The following SLC25A21 variants were observed in gnomAD, a reference collection of about 807,000 sequenced individuals.
SLC25A21 encodes mitochondrial 2-oxodicarboxylate carrier.
A neutral mutation model predicts 43.8 loss-of-function variants in SLC25A21; 47 were observed. The observed-to-expected ratio is 1.07, with a 90% CI of 0.85 to 1.37. The LOEUF is 1.37. SLC25A21 is among the 40% of genes most tolerant of loss of function. SLC25A21 has a pLI of 0.00. For missense variants in SLC25A21, 352 were observed against 350.2 expected (o/e 1.00, Z -0.04); for synonymous variants, 131 against 121.3 (o/e 1.08, Z -0.52).
rs368020722 is a variant in SLC25A21 at position 36,729,575 on chromosome 14, C to T, written c.271-9G>A. 5.0e-6 allele frequency: 8 copies of T among 1,601,832 alleles called. No homozygotes were observed. The highest frequency in any genetic ancestry group is 6.8e-6 in the Non-Finnish European group (8 of 1,175,704). ...TGCTCAAAGGTGAAAAACTGTGAAA[C>T]AAAACCAAACTCACAGATTTATAAC... On this transcript the variant is annotated splice_polypyrimidine_tract_variant and intron_variant, in intron 4 of 9. Transcript: ENST00000331299.
chr14:36,886,636 G>T (rs1369524564), intron 1 of SLC25A21, among the ~76,000 whole-genome samples: 1 of 152,094 alleles, frequency 6.6e-6, no homozygotes, highest in Non-Finnish European at 1.5e-5. Flanking sequence ...TCTAAAGGAG[G>T]AAGAAAAGTT....
intron 3 of SLC25A21, among the ~76,000 whole-genome samples, chr14:36,760,627 A>G (rs1886117948): frequency 1.3e-5 from 2 of 152,230 alleles, no homozygotes; most frequent in African/African-American, 4.8e-5. Context: ...TTCTGTTCTG[A>G]AACAAATGGT....
At chr14:36,972,276 A>C (rs1959768812) in intron 1 of SLC25A21, among the ~76,000 whole-genome samples, 1 of 152,214 alleles carries the variant, frequency 6.6e-6, no homozygotes, top group African/African-American at 2.4e-5. Flanking sequence ...TGTGTGTATA[A>C]GGACAAAAGC....
At chr14:36,851,273 G>C (rs1004144374) in intron 2 of SLC25A21, among the ~76,000 whole-genome samples, 1 of 152,114 alleles carries the variant, frequency 6.6e-6, no homozygotes, top group African/African-American at 2.4e-5. Flanking sequence ...AAGCAATTAA[G>C]GGAGAGTTTG....
At chr14:36,963,197 T>C (rs1394697424) in intron 1 of SLC25A21, among the ~76,000 whole-genome samples, 1 of 152,108 alleles carries the variant, frequency 6.6e-6, no homozygotes, top group South Asian at 2.1e-4. Context: ...CCCCATAGTA[T>C]ATTAAAGAGG....
At chr14:36,828,751 TCC>T (rs2138475840) in intron 2 of SLC25A21, 1 of 152,586 alleles carries the variant, frequency 6.6e-6, no homozygotes, top group South Asian at 2.1e-4. Context: ...TCCTCGTTCT[TCC>T]TGCTCCCTCA....
chr14:36,678,239 C>G lies in SLC25A21; in HGVS notation c.*2419G>C. ...CTAGATTAGTTAGGTTTTCAAATCA[C>G]TAGGATGTAAACAGTAAGCAGATTT... On this transcript the variant is annotated 3_prime_UTR_variant, in exon 10 of 10. Transcript: ENST00000331299. 3.8e-6 allele frequency: 2 copies of G among 531,516 alleles called. No individual in the cohort carries two copies. The highest frequency in any genetic ancestry group is 6.7e-6 in the Non-Finnish European group (2 of 297,712). 32.9% of individuals were successfully genotyped at this position (531,516 alleles called of 1,614,324 possible).
chr14:36,738,825 G>A (rs1469950208), intron 3 of SLC25A21, among the ~76,000 whole-genome samples: 1 of 152,130 alleles, frequency 6.6e-6, no homozygotes. Context: ...AAATATTATT[G>A]TAAGTAAAAA....
intron 3 of SLC25A21, among the ~76,000 whole-genome samples, chr14:36,751,137 T>C (rs1342390097): frequency 1.3e-5 from 2 of 152,218 alleles, no homozygotes; most frequent in African/African-American, 2.4e-5. Context: ...TCAAAAGAGA[T>C]TAATATTTCA....
At chr14:37,158,418 T>C (rs1963885913) in intron 1 of SLC25A21, among the ~76,000 whole-genome samples, 1 of 152,128 alleles carries the variant, frequency 6.6e-6, no homozygotes, top group South Asian at 2.1e-4. Context: ...GATGCAAGAA[T>C]AGTTCAACAT....
At chr14:37,080,448 A>C (rs750234113) in intron 1 of SLC25A21, among the ~76,000 whole-genome samples, 14 of 152,120 alleles carry the variant, frequency 9.2e-5, no homozygotes, top group Non-Finnish European at 1.6e-4. Context: ...CAAAAAAACC[A>C]TTTTAGCTGA....
At chr14:36,937,705 C>A (rs1054477898) in intron 1 of SLC25A21, among the ~76,000 whole-genome samples, 2 of 152,094 alleles carry the variant, frequency 1.3e-5, no homozygotes, top group African/African-American at 4.8e-5. Context: ...GATGGTTAGT[C>A]CACGTGGGAA....
At chr14:36,793,336 GA>G in intron 3 of SLC25A21, among the ~76,000 whole-genome samples, 1 of 152,120 alleles carries the variant, frequency 6.6e-6, no homozygotes, top group South Asian at 2.1e-4. Flanking sequence ...TTTGTCCCTG[GA>G]AAATACGGAA....
chr14:37,042,244 C>T (rs974509847), intron 1 of SLC25A21, among the ~76,000 whole-genome samples: 4 of 152,162 alleles, frequency 2.6e-5, no homozygotes, highest in Admixed American at 6.5e-5. Flanking sequence ...GAGTTCAGGA[C>T]ATAGCAAACT....
rs1028117022 is a variant in SLC25A21 at position 36,753,914 on chromosome 14, G to A, written c.204-19341C>T. On this transcript the variant is annotated intron_variant, in intron 3 of 9. Transcript: ENST00000331299. ...ACAATCTTGAGATGGCTCTCTCACT[G>A]GGGACAGAGAGAGAGAGAGAGAGAG... Among the ~76,000 whole-genome samples the A allele has an allele frequency of 4.8e-5, 5 of 104,600 alleles. No homozygotes were observed. In the East Asian group the frequency reaches 1.3e-3, roughly 28 times the overall value. The allele number at this position is 104,600 out of a possible 152,430, so 68.6% of individuals were successfully genotyped here.
intron 1 of SLC25A21, among the ~76,000 whole-genome samples, chr14:36,938,451 G>T (rs115639343): frequency 0.011 from 1,723 of 152,176 alleles, 29 homozygotes; most frequent in African/African-American, 0.039. Context: ...TCAGTCTCTG[G>T]ACAGCCTTAG....
intron 1 of SLC25A21, among the ~76,000 whole-genome samples, chr14:36,945,444 C>T (rs969797421): frequency 6.6e-6 from 1 of 152,026 alleles, no homozygotes; most frequent in African/African-American, 2.4e-5. Flanking sequence ...TCATGAGAGG[C>T]AAGAGGTAGA....
At chr14:36,906,746 C>T (rs1891546934) in intron 1 of SLC25A21, among the ~76,000 whole-genome samples, 1 of 152,000 alleles carries the variant, frequency 6.6e-6, no homozygotes, top group Non-Finnish European at 1.5e-5. Flanking sequence ...CCTCATGATC[C>T]ACCCCCTCAG....
chr14:37,003,872 C>T (rs2138728464), intron 1 of SLC25A21, among the ~76,000 whole-genome samples: 1 of 152,214 alleles, frequency 6.6e-6, no homozygotes, highest in African/African-American at 2.4e-5. Flanking sequence ...AAGATAGGTA[C>T]TTTCTTAATG....
Sources: allele counts gnomAD v4.1 joint callset (sites outside exome capture counted in the v4.1 genomes callset), GRCh38; gene constraint gnomAD v4.1.1; transcripts MANE v1.5; gene names NCBI Gene and HGNC (gene_info 2026-07-23, HGNC 2026-07-21).